The following SUPT3H variants were observed in gnomAD, a reference collection of about 807,000 sequenced individuals.
The protein encoded by SUPT3H is SPT3 homolog, SAGA and STAGA complex component.
A neutral mutation model predicts 44.3 loss-of-function variants in SUPT3H; 44 were observed. The observed-to-expected ratio is 0.99, with a 90% CI of 0.78 to 1.28. SUPT3H has a LOEUF of 1.28. Ranked by LOEUF, SUPT3H falls within the 50% of genes most tolerant of loss-of-function variation. The pLI is 0.00. For synonymous variants in SUPT3H, 124 were observed against 125.6 expected, an observed-to-expected ratio of 0.99 and a Z score of 0.09; for missense variants, 380 against 387.1, an observed-to-expected ratio of 0.98 and a Z score of 0.15.
chr6:45,137,332 C>T (rs905554629), intron 2 of SUPT3H, among the ~76,000 whole-genome samples: 1 of 151,854 alleles, frequency 6.6e-6, no homozygotes, highest in Non-Finnish European at 1.5e-5. Context: ...AAAAGAAGAA[C>T]ACTCAAAAAG....
At chr6:45,145,425 C>T (rs1055646516) in intron 2 of SUPT3H, among the ~76,000 whole-genome samples, 6 of 152,002 alleles carry the variant, frequency 3.9e-5, no homozygotes, top group Admixed American at 3.3e-4. Flanking sequence ...GGAAAGGACA[C>T]CCTATTCAAC....
intron 2 of SUPT3H, among the ~76,000 whole-genome samples, chr6:45,219,801 G>A (rs773743658): frequency 2.0e-5 from 3 of 152,006 alleles, no homozygotes; most frequent in Non-Finnish European, 4.4e-5. Context: ...AGCACTTTGG[G>A]AGGCCGAGGT....
intron 3 of SUPT3H, among the ~76,000 whole-genome samples, chr6:45,079,453 G>C (rs1795486549): frequency 8.3e-6 from 1 of 120,116 alleles, no homozygotes; most frequent in African/African-American, 2.7e-5. Context: ...GAAGGGGGAA[G>C]AGGAGGAAGA....
At chr6:45,070,569 G>A (rs9369533) in intron 3 of SUPT3H, among the ~76,000 whole-genome samples, 60,545 of 151,036 alleles carry the variant, frequency 0.4, 12,495 homozygotes, top group East Asian at 0.71. Flanking sequence ...GTGAAACCCC[G>A]TCTCTACTAA....
chr6:45,055,553 C>T (rs1562351659), intron 3 of SUPT3H, among the ~76,000 whole-genome samples: 1 of 152,046 alleles, frequency 6.6e-6, no homozygotes, highest in African/African-American at 2.4e-5. Flanking sequence ...ACAAAACAAA[C>T]AAAAACATAA....
intron 10 of SUPT3H, among the ~76,000 whole-genome samples, chr6:44,832,038 A>C (rs1173553510): frequency 2.0e-5 from 3 of 152,150 alleles, no homozygotes; most frequent in African/African-American, 7.2e-5. Context: ...GTAATTAGTG[A>C]AGAGCAATTT....
chr6:45,284,143 A>G (rs1047388549), intron 2 of SUPT3H, among the ~76,000 whole-genome samples: 1 of 152,230 alleles, frequency 6.6e-6, no homozygotes, highest in African/African-American at 2.4e-5. Context: ...AGAAAGCAGG[A>G]AAGATCTAAA....
intron 2 of SUPT3H, among the ~76,000 whole-genome samples, chr6:45,243,333 G>GA (rs1474357297): frequency 6.7e-6 from 1 of 150,224 alleles, no homozygotes; most frequent in Admixed American, 6.6e-5. Context: ...TATACAAAGT[G>GA]AAAAAACTCA....
chr6:45,262,442 A>G (rs1048573896), intron 2 of SUPT3H, among the ~76,000 whole-genome samples: 1 of 152,294 alleles, frequency 6.6e-6, no homozygotes, highest in East Asian at 1.9e-4. Context: ...ACAGTATATG[A>G]TAACTGGCTT....
intron 2 of SUPT3H, among the ~76,000 whole-genome samples, chr6:45,142,450 A>G (rs1159486645): frequency 6.6e-6 from 1 of 152,136 alleles, no homozygotes. Context: ...TAAAATATGC[A>G]GAATTGCCAG....
At chr6:45,000,538 A>C (rs1461713792) in intron 6 of SUPT3H, among the ~76,000 whole-genome samples, 1 of 152,064 alleles carries the variant, frequency 6.6e-6, no homozygotes, top group Non-Finnish European at 1.5e-5. Context: ...GGCACAACTG[A>C]ATGATATATC....
intron 2 of SUPT3H, among the ~76,000 whole-genome samples, chr6:45,284,513 T>C (rs1051966853): frequency 6.6e-6 from 1 of 152,010 alleles, no homozygotes; most frequent in Non-Finnish European, 1.5e-5. Context: ...ATAAATTCCT[T>C]AACACATACA....
intron 5 of SUPT3H, among the ~76,000 whole-genome samples, chr6:45,007,187 C>T (rs986094811): frequency 6.6e-6 from 1 of 151,998 alleles, no homozygotes; most frequent in African/African-American, 2.4e-5. Flanking sequence ...TTTAATAATT[C>T]CTTTTTTGGA....
intron 2 of SUPT3H, among the ~76,000 whole-genome samples, chr6:45,292,439 G>A (rs1444370099): frequency 1.3e-5 from 2 of 151,888 alleles, no homozygotes; most frequent in African/African-American, 4.8e-5. Context: ...AATGTATACA[G>A]GCAACGAATA....
At chr6:45,295,524 C>CA (rs752887669) in intron 2 of SUPT3H, among the ~76,000 whole-genome samples, 1,165 of 40,100 alleles carry the variant, frequency 0.029, 146 homozygotes, top group East Asian at 0.1. Flanking sequence ...TTTTGCACAG[C>CA]AAAAAAAAAA....
chr6:45,272,763 G>A (rs1283097143), intron 2 of SUPT3H, among the ~76,000 whole-genome samples: 1 of 146,742 alleles, frequency 6.8e-6, no homozygotes, highest in Non-Finnish European at 1.5e-5. Flanking sequence ...TTCTGCTAAA[G>A]CTTTGGCTGA....
intron 2 of SUPT3H, among the ~76,000 whole-genome samples, chr6:45,316,730 T>A (rs980143841): frequency 3.3e-5 from 5 of 152,170 alleles, no homozygotes; most frequent in African/African-American, 1.2e-4. Context: ...GCCTGTACAC[T>A]ATACTGTGAA....
At chr6:44,949,630 C>CA (rs1773963904) in intron 9 of SUPT3H, among the ~76,000 whole-genome samples, 1 of 146,300 alleles carries the variant, frequency 6.8e-6, no homozygotes, top group South Asian at 2.1e-4. Context: ...AAAAAATGGG[C>CA]AAAGGATTTG....
chr6:45,279,319 G>A lies in SUPT3H; in HGVS notation c.101+85882C>T, dbSNP rs189927561. On this transcript the variant is annotated intron_variant, in intron 2 of 10. Transcript: ENST00000371459. ...GAAAACAATGAGAGAAACCATTTAA[G>A]TAGAGGTTATGTGTATGTTTGTGTG... Among the ~76,000 whole-genome samples, 6 of 152,288 alleles carry A rather than the reference G, an allele frequency of 3.9e-5. No homozygotes were observed. The South Asian group carries it at 1.0e-3, about 26-fold the overall frequency.
Sources: gnomAD v4.1 joint callset for allele counts (sites outside exome capture counted in the v4.1 genomes callset) on GRCh38, gnomAD v4.1.1 for gene constraint, MANE v1.5 for transcripts, NCBI Gene and HGNC (gene_info 2026-07-23, HGNC 2026-07-21) for gene names.